TMEM165: variants seen among roughly 807,000 people sequenced by gnomAD.
TMEM165 encodes the protein putative divalent cation/proton antiporter TMEM165.
Under a neutral mutation model 30.0 loss-of-function variants are expected in TMEM165, and 19 were observed. That is an observed-to-expected ratio of 0.63 (90% CI 0.44 to 0.93). The LOEUF (loss-of-function observed/expected upper bound fraction) is 0.93. Ranked by LOEUF, TMEM165 falls within the 40% of genes least tolerant of loss-of-function variation. The pLI is 0.00. For missense variants in TMEM165, 340 were observed against 417.0 expected, an observed-to-expected ratio of 0.82 and a Z score of 1.61; for synonymous variants, 168 against 162.9, an observed-to-expected ratio of 1.03 and a Z score of -0.24.
chr4:55,450,515 C>G (rs1294740587), intron 3 of TMEM165, among the ~76,000 whole-genome samples: 1 of 152,152 alleles, frequency 6.6e-6, no homozygotes, highest in Non-Finnish European at 1.5e-5. Context: ...CACCTGTAAT[C>G]CCAGCACTTT....
chr4:55,422,280 G>T (rs1722012592), intron 4 of TMEM165, among the ~76,000 whole-genome samples: 1 of 151,468 alleles, frequency 6.6e-6, no homozygotes, highest in South Asian at 2.1e-4. Context: ...TCTTTTTTTT[G>T]AGAGTCTTGC....
At chr4:55,435,258 G>T in intron 3 of TMEM165, 1 of 809,052 alleles carries the variant, frequency 1.2e-6, no homozygotes, top group Non-Finnish European at 2.0e-6. Flanking sequence ...GTAGCACTAG[G>T]CAGCATTTTC....
In TMEM165 at chr4:55,418,255, C is replaced by T. The variant is rs555039446; in HGVS notation, c.792+270C>T. 1.3e-4 allele frequency: 42 copies of T among 330,866 alleles called. 1 individual carries two copies. In the East Asian group the frequency reaches 1.7e-3, roughly 14 times the overall value. 20.5% of individuals were successfully genotyped at this position (330,866 alleles called of 1,614,324 possible). On this transcript the variant is annotated intron_variant, in intron 4 of 5. Transcript: ENST00000381334. ...AAAATGATGCCGTGGTACTTGTCATCTTAGCTTGGTTTTCTTATCATAGAA... is the reference window on the plus strand; with the variant it reads ...AAAATGATGCCGTGGTACTTGTCATTTTAGCTTGGTTTTCTTATCATAGAA...
At chr4:55,422,063 A>T (rs1186666176) in intron 4 of TMEM165, among the ~76,000 whole-genome samples, 1 of 152,146 alleles carries the variant, frequency 6.6e-6, no homozygotes, top group Non-Finnish European at 1.5e-5. Context: ...TTCTGGCCTC[A>T]CCAGGAATGT....
chr4:55,418,996 G>C (rs1721855981), intron 4 of TMEM165, among the ~76,000 whole-genome samples: 2 of 152,092 alleles, frequency 1.3e-5, no homozygotes, highest in Non-Finnish European at 2.9e-5. Flanking sequence ...AGTGAGCCTA[G>C]ATTGCACCAC....
intron 5 of TMEM165, 76 bp downstream of exon 5, chr4:55,424,719 T>A: frequency 2.0e-6 from 2 of 981,054 alleles, no homozygotes; most frequent in Non-Finnish European, 3.2e-6. Context: ...TTTGATTATT[T>A]AAATTTCTGC....
intron 4 of TMEM165, among the ~76,000 whole-genome samples, chr4:55,421,709 C>T (rs528820358): frequency 5.3e-4 from 81 of 152,288 alleles, no homozygotes; most frequent in African/African-American, 1.9e-3. Flanking sequence ...CCTGTCTCTG[C>T]ACACACACTG....
chr4:55,420,259 T>C (rs1340126130), intron 4 of TMEM165, among the ~76,000 whole-genome samples: 1 of 150,272 alleles, frequency 6.7e-6, no homozygotes. Context: ...TTTGTTGAGG[T>C]GGTAGTGATT....
intron 3 of TMEM165, among the ~76,000 whole-genome samples, chr4:55,451,955 A>C (rs4864994): frequency 0.34 from 51,396 of 151,998 alleles, 9,391 homozygotes; most frequent in East Asian, 0.58. Context: ...AATGACATCT[A>C]CCATATTGTC....
At chr4:55,417,579 A>C (rs1443054904) in intron 3 of TMEM165, 1 of 572,492 alleles carries the variant, frequency 1.7e-6, no homozygotes, top group Non-Finnish European at 3.1e-6. Flanking sequence ...AGAGCAGTAA[A>C]TACTGTTTGG....
chr4:55,417,946 T>C lies in TMEM165; in HGVS notation c.753T>C (p.Asp251=). 6.2e-7 allele frequency: 1 copy of C among 1,613,594 alleles called. No homozygotes were observed. Among genetic ancestry groups the C allele is most frequent in the Non-Finnish European group, 8.5e-7 (1 of 1,179,870 alleles). ...TAACATTCTTAGCAGAATGGGGTGA[T>C]CGCTCTCAACTAACTACAATTGTAT... ...LTLTFLAEWG[D]RSQLTTIVLA... The change falls in exon 4 of 6, where the codon GAT becomes GAC. Residue 251 remains aspartate, a synonymous_variant. Transcript: ENST00000381334.
At chr4:55,407,862 A>C (rs566178042) in intron 1 of TMEM165, among the ~76,000 whole-genome samples, 33 of 152,326 alleles carry the variant, frequency 2.2e-4, no homozygotes, top group African/African-American at 7.9e-4. Context: ...AAAGGGCTTT[A>C]TTCATTTAAT....
intron 3 of TMEM165, among the ~76,000 whole-genome samples, chr4:55,448,601 C>CGTGTGTGTGTGTGTGTGTGTGTGTGT (rs3034980): frequency 8.5e-6 from 1 of 116,980 alleles, no homozygotes. Flanking sequence ...CGCACGCGCG[C>CGTGTGTGTGTGTGTGTGTGTGTGTGT]GTGTGTGTGT....
chr4:55,417,431 G>C (rs962590191), intron 3 of TMEM165, among the ~76,000 whole-genome samples, 184 bp downstream of exon 3: 5 of 152,202 alleles, frequency 3.3e-5, no homozygotes, highest in Non-Finnish European at 5.9e-5. Flanking sequence ...ATGTAGTAGA[G>C]AAAGGAAGCT....
At chr4:55,444,708 T>C in intron 3 of TMEM165, 1 of 1,614,190 alleles carries the variant, frequency 6.2e-7, no homozygotes, top group Non-Finnish European at 8.5e-7. Context: ...GATGAATATT[T>C]GCTTCTATCA....
chr4:55,433,683 T>C (rs988079397), intron 3 of TMEM165: 2 of 152,230 alleles, frequency 1.3e-5, no homozygotes, highest in African/African-American at 4.8e-5. Flanking sequence ...TTTCTACTAA[T>C]CCTCTTTTGT....
chr4:55,444,916 A>G, intron 3 of TMEM165: 1 of 926,502 alleles, frequency 1.1e-6, no homozygotes, highest in Non-Finnish European at 1.7e-6. Context: ...TATGTCCCTT[A>G]GTTTCTAATC....
intron 1 of TMEM165, among the ~76,000 whole-genome samples, chr4:55,405,127 T>TGG (rs1444110365): frequency 2.6e-5 from 4 of 152,194 alleles, no homozygotes; most frequent in African/African-American, 9.7e-5. Flanking sequence ...CTCTTTGCCT[T>TGG]ATCTGTTGGA....
intron 4 of TMEM165, among the ~76,000 whole-genome samples, chr4:55,421,297 CTTTTTTT>C (rs766025971): frequency 1.6e-4 from 17 of 105,902 alleles, no homozygotes; most frequent in Non-Finnish European, 2.7e-4. Flanking sequence ...TTCTTTCTTT[CTTTTTTT>C]TTTTTTTTTT....
Sources: gnomAD v4.1 joint callset for allele counts (sites outside exome capture counted in the v4.1 genomes callset) on GRCh38, gnomAD v4.1.1 for gene constraint, MANE v1.5 for transcripts, NCBI Gene and HGNC (gene_info 2026-07-23, HGNC 2026-07-21) for gene names.